The following C4orf50 variants were observed in gnomAD, a reference collection of about 807,000 sequenced individuals.
The protein encoded by C4orf50 is uncharacterized protein C4orf50.
A neutral mutation model predicts 77.2 loss-of-function variants in C4orf50; 80 were observed. The observed-to-expected ratio is 1.04, with a 90% CI of 0.87 to 1.25. The LOEUF is 1.25. Among genes scored for constraint, C4orf50 ranks in the 50% most tolerant of loss-of-function variants. The probability of loss-of-function intolerance (pLI) is 0.00; values close to 1 mark genes in which losing one functional copy is unlikely to be tolerated. For synonymous variants in C4orf50, 532 were observed against 465.3 expected (o/e 1.14, Z -1.84); for missense variants, 1,257 against 1,152.9 (o/e 1.09, Z -1.31).
chr4:5,979,384 GT>G (rs1304085458), intron 29 of C4orf50, among the ~76,000 whole-genome samples: 1 of 152,212 alleles, frequency 6.6e-6, no homozygotes, highest in East Asian at 1.9e-4. Context: ...CACTTTGCAT[GT>G]GTTGATATGA....
At chr4:5,989,519 G>C in exon 28 of C4orf50, 1 of 1,536,038 alleles carries the variant, frequency 6.5e-7, no homozygotes, top group Non-Finnish European at 8.7e-7. Flanking sequence ...TGCCACTTCT[G>C]AGCAAAGCTC....
chr4:6,011,365 A>G lies in C4orf50; in HGVS notation c.426+465T>C, dbSNP rs1722487718. Among the ~76,000 whole-genome samples the G allele has an allele frequency of 6.6e-6, 1 of 151,810 alleles. No individual in the cohort carries two copies. ...CCCCGTGCTGTCAGCCACGCCTCAC[A>G]TGCCCTTCCCAACAAGGCCCAGCTC... On this transcript the variant is annotated intron_variant, in intron 24 of 33. Transcript: ENST00000531445. The surrounding 1 kb of genome is among the most constrained non-coding windows in gnomAD (Gnocchi z 4.2).
intron 25 of C4orf50, among the ~76,000 whole-genome samples, chr4:6,005,191 G>C (rs1345205387): frequency 6.6e-6 from 1 of 152,184 alleles, no homozygotes; most frequent in South Asian, 2.1e-4. Flanking sequence ...CACTCCACAG[G>C]TTCCTGGGCT....
At chr4:5,922,172 G>A (rs1431040979) in intron 7 of C4orf50, among the ~76,000 whole-genome samples, 1 of 152,160 alleles carries the variant, frequency 6.6e-6, no homozygotes, top group East Asian at 1.9e-4. Flanking sequence ...CAGAGCACAG[G>A]GACCACATGC....
At position 5,989,033 on chromosome 4, in the gene C4orf50, C is replaced by T. The variant is rs911860507; in HGVS notation, c.3013G>A (p.Asp1005Asn). ...TTGCAGTAACTCTTCCCATTGCAGTCTTCAAGGTCAGAGATTGCCTGTAAA... is the reference window on the plus strand; with the variant it reads ...TTGCAGTAACTCTTCCCATTGCAGTTTTCAAGGTCAGAGATTGCCTGTAAA... Residue 1005 changes from aspartate (D) to asparagine (N), a missense_variant, in exon 28 of 34, where the codon GAC (aspartate) becomes AAC (asparagine). Coordinates refer to ENST00000531445, the Ensembl canonical transcript of C4orf50. 1.2e-5 allele frequency: 19 copies of T among 1,535,936 alleles called. 1 individual carries two copies. Among genetic ancestry groups the T allele is most frequent in the African/African-American group, 2.7e-5 (2 of 73,008 alleles).
intron 28 of C4orf50, among the ~76,000 whole-genome samples, chr4:5,988,013 A>G (rs1345506730): frequency 6.6e-6 from 1 of 152,190 alleles, no homozygotes; most frequent in East Asian, 1.9e-4. Context: ...CCAGGGTTGG[A>G]AAATGCAAGG....
chr4:6,005,831 C>T (rs1193876759), intron 25 of C4orf50, among the ~76,000 whole-genome samples: 1 of 152,104 alleles, frequency 6.6e-6, no homozygotes, highest in Non-Finnish European at 1.5e-5. Flanking sequence ...TACACAGCAG[C>T]CTGCAGTGCA....
chr4:5,979,565 A>G (rs1720458326), intron 29 of C4orf50, among the ~76,000 whole-genome samples: 1 of 152,264 alleles, frequency 6.6e-6, no homozygotes, highest in African/African-American at 2.4e-5. Flanking sequence ...AAGCTTTTAT[A>G]TTTTAGATGA....
rs1028439201 is a variant in C4orf50, at chr4:6,008,041, C to T, written c.918G>A (p.Leu306=). The T allele has an allele frequency of 6.0e-5, 24 of 399,344 alleles. No individual in the cohort carries two copies. Among genetic ancestry groups the T allele is most frequent in the African/African-American group, 1.2e-4 (6 of 48,762 alleles). 24.7% of individuals were successfully genotyped at this position (399,344 alleles called of 1,614,324 possible). A position where few individuals can be genotyped will look rare whatever the true frequency, so the allele number is the denominator to read the frequency against. ...GGGCCTGGGCTCCCAGCTCCTCTCG[C>T]AGGCACTGGTTTTGCTGGGCGAGGT... is the stretch of plus-strand genomic sequence containing the variant. The change falls in exon 25 of 34, where the codon CTG becomes CTA. Residue 306 remains leucine (L), a synonymous_variant. Transcript: ENST00000531445. This position sits in a 1 kb window ranked among gnomAD's most constrained non-coding sequence, Gnocchi z 6.0.
chr4:5,973,950 C>T (rs1720102234), intron 30 of C4orf50, 109 bp from the exon 9 acceptor site: 2 of 883,320 alleles, frequency 2.3e-6, no homozygotes, highest in Non-Finnish European at 3.4e-6. Flanking sequence ...CCATCCCCAG[C>T]CCTGCCTCAG....
At chr4:5,983,505 G>A (rs562383915) in intron 28 of C4orf50, among the ~76,000 whole-genome samples, 4 of 152,166 alleles carry the variant, frequency 2.6e-5, no homozygotes, top group Admixed American at 1.3e-4. Context: ...TCTAACCTTC[G>A]AAGTCTCAGC....
chr4:6,004,212 G>T (rs201344553), intron 25 of C4orf50, among the ~76,000 whole-genome samples: 755 of 41,464 alleles, frequency 0.018, no homozygotes, highest in East Asian at 0.12. Flanking sequence ...GGTGATGATG[G>T]TGATGGTGAT....
intron 28 of C4orf50, among the ~76,000 whole-genome samples, chr4:5,987,580 G>C (rs1720946702): frequency 6.6e-6 from 1 of 151,126 alleles, no homozygotes; most frequent in South Asian, 2.1e-4. Context: ...AAGGAAGAGA[G>C]AGACAAAGAG....
intron 29 of C4orf50, among the ~76,000 whole-genome samples, chr4:5,976,864 G>A (rs1720316494): frequency 6.6e-6 from 1 of 152,248 alleles, no homozygotes. Context: ...CCATGGAGGG[G>A]GTTCCTATCA....
At chr4:5,960,767 G>A (rs549730160) in intron 33 of C4orf50, among the ~76,000 whole-genome samples, 2 of 152,210 alleles carry the variant, frequency 1.3e-5, no homozygotes, top group Non-Finnish European at 2.9e-5. Flanking sequence ...CGGCTTTTGG[G>A]GAGGAGCAGG....
In C4orf50 at chr4:5,932,629, A is replaced by G. The variant is rs2108745827; in HGVS notation, c.*2474+24272T>C. Among the ~76,000 whole-genome samples, 1 of 152,120 alleles carries G rather than the reference A, an allele frequency of 6.6e-6. No homozygotes were observed. The highest frequency in any genetic ancestry group is 1.5e-5 in the Non-Finnish European group (1 of 67,992). On this transcript the variant is annotated intron_variant, in intron 7 of 7. Transcript: ENST00000324058. This position sits in a 1 kb window ranked among gnomAD's most constrained non-coding sequence, Gnocchi z 4.2. ...TTTTATTTTTTAATTTTTTATAGAGATGGAGTCCCCCTGCCTTGCTCAGGC... is the reference window on the plus strand; with the variant it reads ...TTTTATTTTTTAATTTTTTATAGAGGTGGAGTCCCCCTGCCTTGCTCAGGC...
In C4orf50 at chr4:5,992,409, C is replaced by A. The variant is rs1329603697; in HGVS notation, c.1221+394G>T. 6.6e-6 allele frequency among the ~76,000 whole-genome samples: 1 copy of A among 151,998 alleles called. No individual in the cohort carries two copies. Among genetic ancestry groups the A allele is most frequent in the Non-Finnish European group, 1.5e-5 (1 of 67,988 alleles). ...CCTGACCCTCAGGGCCAGCATGGGG[C>A]AGTGTGGGCCGTCGAGCCTGGATCT... On this transcript the variant is annotated intron_variant, in intron 27 of 33. Coordinates refer to ENST00000531445, the Ensembl canonical transcript of C4orf50. This position sits in a 1 kb window ranked among gnomAD's most constrained non-coding sequence, Gnocchi z 5.0.
intron 28 of C4orf50, among the ~76,000 whole-genome samples, chr4:5,982,305 G>A (rs985093305): frequency 1.3e-5 from 2 of 152,248 alleles, no homozygotes; most frequent in African/African-American, 2.4e-5. Flanking sequence ...GCGGTGGGGG[G>A]TGGGCAGCCT....
At chr4:5,914,967 T>C (rs1032631936) in intron 7 of C4orf50, among the ~76,000 whole-genome samples, 1 of 152,252 alleles carries the variant, frequency 6.6e-6, no homozygotes, top group African/African-American at 2.4e-5. Context: ...ACCTTGATTG[T>C]CTGTCTGGTC....
Sources: gnomAD v4.1 joint callset for allele counts (sites outside exome capture counted in the v4.1 genomes callset) on GRCh38, gnomAD v4.1.1 for gene constraint, Gnocchi (gnomAD v3.1) non-coding constraint, MANE v1.5 for transcripts, NCBI Gene and HGNC (gene_info 2026-07-23, HGNC 2026-07-21) for gene names.